The following CPEB3 variants were observed in gnomAD, a reference collection of about 807,000 sequenced individuals.
The protein encoded by CPEB3 is cytoplasmic polyadenylation element binding protein 3, also known as cytoplasmic polyadenylation element-binding protein 3.
Under a neutral mutation model 67.2 loss-of-function variants are expected in CPEB3, and 20 were observed. The ratio of observed to expected loss-of-function variants is 0.30; its 90% CI spans 0.21 to 0.43. The LOEUF is 0.43. Among genes scored for constraint, CPEB3 ranks in the 20% least tolerant of loss-of-function variants. The pLI is 1.00. For synonymous variants in CPEB3, 376 were observed against 393.1 expected (o/e 0.96, Z 0.51); for missense variants, 746 against 968.6 (o/e 0.77, Z 3.05).
rs142336596 is a variant in CPEB3, at chr10:92,232,883, G to A, written c.1005+6463C>T. Among the ~76,000 whole-genome samples, 5 of 152,114 alleles carry A rather than the reference G, an allele frequency of 3.3e-5. No individual in the cohort carries two copies. The South Asian group carries it at 6.2e-4, about 19-fold the overall frequency. ...AGAGGGTTCTTTTGTACTAACTCAC[G>A]ACAAGGTCATAAAGAGTTTAAACAA... is the stretch of plus-strand genomic sequence containing the variant. On this transcript the variant is annotated intron_variant, in intron 2 of 9. Transcript: ENST00000265997.
chr10:92,173,773 G>A (rs1564837571), intron 4 of CPEB3, among the ~76,000 whole-genome samples: 2 of 152,124 alleles, frequency 1.3e-5, no homozygotes, highest in Admixed American at 1.3e-4. Flanking sequence ...ATGTTCATGT[G>A]CAGCATCCAA....
At chr10:92,152,391 T>G (rs975130786) in intron 4 of CPEB3, among the ~76,000 whole-genome samples, 4 of 152,220 alleles carry the variant, frequency 2.6e-5, no homozygotes, top group Non-Finnish European at 4.4e-5. Flanking sequence ...ATCATACAAA[T>G]ACGTGACTCT....
chr10:92,230,747 A>G (rs1485614326), intron 2 of CPEB3, among the ~76,000 whole-genome samples: 1 of 152,228 alleles, frequency 6.6e-6, no homozygotes, highest in Non-Finnish European at 1.5e-5. Context: ...GCTACCCACA[A>G]GGTATAAGGA....
Position 92,224,593 on chromosome 10 carries a change from G to T in CPEB3, c.1005+14753C>A, listed in dbSNP as rs1304805437. 9.9e-5 allele frequency among the ~76,000 whole-genome samples: 15 copies of T among 152,012 alleles called. 1 individual carries two copies. The highest frequency in any genetic ancestry group is 8.5e-4 in the Admixed American group (13 of 15,238). ...AAACAACAACAACAACCCTGGCTGAGCATGGTGTCTCATGCCTGTAATCCC... is the reference window on the plus strand; with the variant it reads ...AAACAACAACAACAACCCTGGCTGATCATGGTGTCTCATGCCTGTAATCCC... On this transcript the variant is annotated intron_variant, in intron 2 of 9. Transcript: ENST00000265997.
chr10:92,073,167 A>G (rs1387712567), intron 9 of CPEB3, among the ~76,000 whole-genome samples: 1 of 149,282 alleles, frequency 6.7e-6, no homozygotes, highest in Non-Finnish European at 1.5e-5. Context: ...TCTCCCGGGT[A>G]GCTGTGACTA....
chr10:92,265,972 A>G (rs1266922804), intron 1 of CPEB3, among the ~76,000 whole-genome samples: 1 of 151,976 alleles, frequency 6.6e-6, no homozygotes, highest in African/African-American at 2.4e-5. Context: ...TAATGGGTTA[A>G]TGAATTAATG....
At chr10:92,117,083 G>C (rs1845068169) in intron 6 of CPEB3, among the ~76,000 whole-genome samples, 1 of 152,076 alleles carries the variant, frequency 6.6e-6, no homozygotes, top group Non-Finnish European at 1.5e-5. Context: ...GGAGTGCAGT[G>C]GTGCGATCTC....
chr10:92,052,722 A>G (rs1425185137), intron 9 of CPEB3, among the ~76,000 whole-genome samples: 1 of 152,228 alleles, frequency 6.6e-6, no homozygotes, highest in Non-Finnish European at 1.5e-5. Context: ...CACATTACAC[A>G]CACACATTTG....
In CPEB3 at chr10:92,145,023, G is replaced by T. The variant is rs143773953; in HGVS notation, c.1285C>A (p.Arg429Ser). 1 of 1,614,020 alleles carries T rather than the reference G, an allele frequency of 6.2e-7. No individual in the cohort carries two copies. The highest frequency in any genetic ancestry group is 8.5e-7 in the Non-Finnish European group (1 of 1,179,910). The stretch of plus-strand genomic sequence containing the variant: ...TCTACTCGTTCCCCATTTTGACAGC[G>T]AGTGGGAGAACTTAAGCCAGATGAC... ...ALSSGLSSPT[R>S]CQNGERVERY... The change falls in exon 5 of 10, where the codon CGC (arginine) becomes AGC (serine). Residue 429 changes from arginine (R) to serine (S), a missense_variant. Physicochemically the swap from Arg to Ser is moderately radical, Grantham distance 110. This residue lies in a region of CPEB3 where 643 missense variants were observed against 717.5 expected (regional missense o/e 0.90). Coordinates refer to ENST00000265997, the MANE Select transcript of CPEB3 (RefSeq NM_014912.5).
intron 1 of CPEB3, among the ~76,000 whole-genome samples, chr10:92,280,134 A>T (rs779033650): frequency 6.6e-6 from 1 of 151,796 alleles, no homozygotes; most frequent in Non-Finnish European, 1.5e-5. Flanking sequence ...CCTGTTGTCA[A>T]GAGTTCGAGA....
At chr10:92,058,691 C>T (rs965783442) in intron 9 of CPEB3, among the ~76,000 whole-genome samples, 7 of 151,428 alleles carry the variant, frequency 4.6e-5, no homozygotes, top group African/African-American at 1.5e-4. Context: ...AGATAGGCTC[C>T]GATACAATAA....
chr10:92,089,503 T>TTTTTTTA (rs1473430291), intron 8 of CPEB3, among the ~76,000 whole-genome samples: 1 of 152,072 alleles, frequency 6.6e-6, no homozygotes, highest in African/African-American at 2.4e-5. Flanking sequence ...AAAGAGAACT[T>TTTTTTTA]CGGCTGGGCA....
intron 2 of CPEB3, among the ~76,000 whole-genome samples, chr10:92,205,107 G>A (rs1450326196): frequency 1.3e-5 from 2 of 151,980 alleles, no homozygotes; most frequent in Non-Finnish European, 2.9e-5. Context: ...CAAAGTGCTG[G>A]GATTACAGGT....
rs1369605337 is a variant in CPEB3 at position 92,121,563 on chromosome 10, G to A, written c.1454-10369C>T. Among the ~76,000 whole-genome samples, 4 of 151,004 alleles carry A rather than the reference G, an allele frequency of 2.6e-5. No individual in the cohort carries two copies. In the East Asian group the frequency reaches 7.7e-4, roughly 29 times the overall value. On this transcript the variant is annotated intron_variant, in intron 6 of 9. Coordinates refer to ENST00000265997, the MANE Select transcript of CPEB3 (RefSeq NM_014912.5). ...AAATTTGTGGAAAAAAAACTACAAG[G>A]TCTCCCATTCTAAAAAGAGATGTGT...
At chr10:92,054,613 TA>T (rs1842044285) in intron 9 of CPEB3, among the ~76,000 whole-genome samples, 1 of 152,082 alleles carries the variant, frequency 6.6e-6, no homozygotes. Flanking sequence ...ATATAATTTT[TA>T]TATTTTTAGT....
At chr10:92,139,289 TAAAAAAAA>T (rs3048542) in intron 6 of CPEB3, among the ~76,000 whole-genome samples, 2 of 71,168 alleles carry the variant, frequency 2.8e-5, no homozygotes, top group African/African-American at 7.4e-5. Context: ...CACACACACA[TAAAAAAAA>T]AAAAAAAAAA....
chr10:92,247,426 T>G (rs1852118435), intron 1 of CPEB3, among the ~76,000 whole-genome samples: 1 of 151,812 alleles, frequency 6.6e-6, no homozygotes, highest in East Asian at 1.9e-4. Flanking sequence ...AGATGGAGTT[T>G]CACTCTTGTT....
At chr10:92,111,849 AAC>A (rs991315369) in intron 6 of CPEB3, among the ~76,000 whole-genome samples, 30 of 152,184 alleles carry the variant, frequency 2.0e-4, no homozygotes, top group African/African-American at 7.2e-4. Flanking sequence ...TTGACACACA[AAC>A]ACACACACAC....
rs190741690 is a variant in CPEB3 at position 92,198,077 on chromosome 10, C to A, written c.1006-5441G>T. On this transcript the variant is annotated intron_variant, in intron 2 of 9. Transcript: ENST00000265997. ...GCCGAGATCACGCCATTGCACTCCA[C>A]CCTGGGTGACACAGTGAGACTCCAT... Among the ~76,000 whole-genome samples the A allele has an allele frequency of 1.8e-3, 274 of 152,186 alleles. 1 individual carries two copies. The highest frequency in any genetic ancestry group is 6.4e-3 in the African/African-American group (266 of 41,532).
Sources: allele counts gnomAD v4.1 joint callset (sites outside exome capture counted in the v4.1 genomes callset), GRCh38; gene constraint gnomAD v4.1.1; regional missense constraint gnomAD v4.1.1; transcripts MANE v1.5; gene names NCBI Gene and HGNC (gene_info 2026-07-23, HGNC 2026-07-21).